The following NAALADL2 variants were observed in gnomAD, a reference collection of about 807,000 sequenced individuals.
NAALADL2 encodes the protein N-acetylated alpha-linked acidic dipeptidase like 2.
A neutral mutation model predicts 87.2 loss-of-function variants in NAALADL2; 76 were observed. The observed-to-expected ratio is 0.87, with a 90% CI of 0.72 to 1.05. The LOEUF is 1.05. Among genes scored for constraint, NAALADL2 ranks in the 50% least tolerant of loss-of-function variants. NAALADL2 has a pLI of 0.00. For missense variants in NAALADL2, 1,089 were observed against 945.8 expected, an observed-to-expected ratio of 1.15 and a Z score of -1.99; for synonymous variants, 354 against 331.0, an observed-to-expected ratio of 1.07 and a Z score of -0.75.
rs879553856 is a variant in NAALADL2, at chr3:175,362,540, C to T, written c.1090+38215C>T. ...TATTTGTTTGTATCCTCTTTTATTT[C>T]GTTAAGCACTATATATCACAATATC... is the stretch of plus-strand genomic sequence containing the variant. On this transcript the variant is annotated intron_variant, in intron 5 of 13. Transcript: ENST00000454872. Among the ~76,000 whole-genome samples, 4 of 148,008 alleles carry T rather than the reference C, an allele frequency of 2.7e-5. 1 individual carries two copies. The highest frequency in any genetic ancestry group is 2.0e-4 in the East Asian group (1 of 5,024).
In NAALADL2 at chr3:175,743,860, G is replaced by A. The variant is rs1745580034; in HGVS notation, c.1990+6461G>A. Among the ~76,000 whole-genome samples the A allele has an allele frequency of 2.0e-5, 3 of 152,212 alleles. No homozygotes were observed. In the South Asian group the frequency reaches 6.2e-4, roughly 31 times the overall value. On this transcript the variant is annotated intron_variant, in intron 12 of 13. Coordinates refer to ENST00000454872, the MANE Select transcript of NAALADL2 (RefSeq NM_207015.3). ...AGAGTGTGGCACATGGTTGCTAGAA[G>A]AAAAGAGGCTAAGGAAAAGAGAGTA...
chr3:175,515,592 C>A (rs1251579860), intron 9 of NAALADL2, among the ~76,000 whole-genome samples: 1 of 150,554 alleles, frequency 6.6e-6, no homozygotes, highest in Non-Finnish European at 1.5e-5. Flanking sequence ...GATAAATACA[C>A]AACTGCCCAA....
chr3:175,099,776 A>G (rs1260480543), intron 2 of NAALADL2, among the ~76,000 whole-genome samples: 2 of 152,148 alleles, frequency 1.3e-5, no homozygotes, highest in Admixed American at 1.3e-4. Flanking sequence ...GCAATACAAA[A>G]TATATTATTT....
At chr3:175,277,081 T>C (rs1753709259) in intron 4 of NAALADL2, among the ~76,000 whole-genome samples, 1 of 152,186 alleles carries the variant, frequency 6.6e-6, no homozygotes, top group South Asian at 2.1e-4. Context: ...TATATTTTAA[T>C]ATATTTATTA....
At chr3:175,710,839 T>C (rs889851246) in intron 11 of NAALADL2, among the ~76,000 whole-genome samples, 13 of 151,874 alleles carry the variant, frequency 8.6e-5, no homozygotes, top group South Asian at 2.1e-4. Flanking sequence ...ACACTCTGTA[T>C]AGTACTCTCT....
At chr3:175,047,084 G>A (rs988353799) in intron 1 of NAALADL2, among the ~76,000 whole-genome samples, 1 of 152,096 alleles carries the variant, frequency 6.6e-6, no homozygotes, top group Admixed American at 6.6e-5. Flanking sequence ...ATAAGAGCAC[G>A]AATCCCATTC....
At chr3:175,190,645 C>T (rs752384576) in intron 2 of NAALADL2, among the ~76,000 whole-genome samples, 18 of 151,954 alleles carry the variant, frequency 1.2e-4, no homozygotes, top group East Asian at 3.9e-4. Flanking sequence ...AGGCAGTTAC[C>T]AGGAGAAAAT....
intron 1 of NAALADL2, among the ~76,000 whole-genome samples, chr3:174,868,757 C>T (rs1166412233): frequency 6.6e-6 from 1 of 152,010 alleles, no homozygotes; most frequent in African/African-American, 2.4e-5. Context: ...AATGAGACTG[C>T]TTTAAAACAG....
chr3:175,388,821 G>C (rs564265666), intron 5 of NAALADL2, among the ~76,000 whole-genome samples: 2 of 152,060 alleles, frequency 1.3e-5, no homozygotes, highest in South Asian at 4.2e-4. Flanking sequence ...CTAACTGTCA[G>C]AACCAAATCA....
intron 1 of NAALADL2, among the ~76,000 whole-genome samples, chr3:175,013,499 A>G (rs758999253): frequency 1.3e-5 from 2 of 150,890 alleles, no homozygotes; most frequent in Non-Finnish European, 2.9e-5. Flanking sequence ...AGATTTTGCC[A>G]TGTTGTCCAT....
chr3:174,717,963 C>A (rs1222107616), intron 2 of NAALADL2, among the ~76,000 whole-genome samples: 3 of 152,014 alleles, frequency 2.0e-5, no homozygotes, highest in Non-Finnish European at 4.4e-5. Context: ...CCCACCTCTC[C>A]TAAAAATACA....
At chr3:175,801,361 T>C (rs1340837112) in intron 13 of NAALADL2, among the ~76,000 whole-genome samples, 1 of 152,164 alleles carries the variant, frequency 6.6e-6, no homozygotes, top group African/African-American at 2.4e-5. Flanking sequence ...AGGCCCTGTA[T>C]GATATGACTA....
intron 3 of NAALADL2, among the ~76,000 whole-genome samples, chr3:174,769,581 T>C (rs916842740): frequency 1.3e-4 from 20 of 151,532 alleles, no homozygotes; most frequent in African/African-American, 3.9e-4. Flanking sequence ...ATTTTTATTT[T>C]TATTTTATTA....
chr3:175,423,454 C>T (rs1485958802), intron 5 of NAALADL2, among the ~76,000 whole-genome samples: 1 of 139,970 alleles, frequency 7.1e-6, no homozygotes, highest in Non-Finnish European at 1.5e-5. Context: ...GTGTGATGTT[C>T]CCCTTCCTGT....
chr3:174,850,224 A>T (rs1579197306), intron 3 of NAALADL2, among the ~76,000 whole-genome samples: 1 of 151,886 alleles, frequency 6.6e-6, no homozygotes, highest in African/African-American at 2.4e-5. Flanking sequence ...ATTTCATCCT[A>T]CTCTAGCCTA....
chr3:175,186,207 G>T (rs1347206773), intron 2 of NAALADL2, among the ~76,000 whole-genome samples: 1 of 152,030 alleles, frequency 6.6e-6, no homozygotes, highest in Non-Finnish European at 1.5e-5. Context: ...TGCCTTATTT[G>T]TAGTGTCAGT....
intron 3 of NAALADL2, among the ~76,000 whole-genome samples, chr3:174,832,941 G>A (rs77122793): frequency 5.5e-4 from 84 of 152,182 alleles, no homozygotes; most frequent in South Asian, 1.2e-3. Flanking sequence ...ATGTATATTA[G>A]CATTTATATT....
At chr3:175,082,538 A>G (rs1346551443) in intron 1 of NAALADL2, among the ~76,000 whole-genome samples, 1 of 152,196 alleles carries the variant, frequency 6.6e-6, no homozygotes, top group African/African-American at 2.4e-5. Context: ...TTTGATTCCA[A>G]TACAGGAGGA....
At chr3:175,250,742 A>G (rs141020407) in intron 3 of NAALADL2, among the ~76,000 whole-genome samples, 262 of 152,304 alleles carry the variant, frequency 1.7e-3, no homozygotes, top group African/African-American at 6.1e-3. Context: ...TATCTATAAA[A>G]CAGTGACAAT....
Sources: allele counts gnomAD v4.1 joint callset (sites outside exome capture counted in the v4.1 genomes callset), GRCh38; gene constraint gnomAD v4.1.1; transcripts MANE v1.5; gene names NCBI Gene and HGNC (gene_info 2026-07-23, HGNC 2026-07-21).